Variants in UGT1A3 observed in about 807,000 individuals in gnomAD.
UGT1A3 encodes the protein UDP glucuronosyltransferase family 1 member A3.
In UGT1A3, 31 loss-of-function variants were observed where a neutral mutation model predicts 41.0. That is an observed-to-expected ratio of 0.76 (90% CI 0.57 to 1.02). The LOEUF (loss-of-function observed/expected upper bound fraction) is 1.02. Among genes scored for constraint, UGT1A3 ranks in the 50% least tolerant of loss-of-function variants. The pLI, the probability that UGT1A3 is intolerant of heterozygous loss-of-function variation, is 0.00. For synonymous variants in UGT1A3, 262 were observed against 257.6 expected (o/e 1.02, Z -0.17); for missense variants, 737 against 671.0 (o/e 1.10, Z -1.09).
rs1699908035 is a variant in UGT1A3, at chr2:233,769,628, A to G, written c.1307+1189A>G. 6.2e-7 allele frequency: 1 copy of G among 1,611,940 alleles called. No individual in the cohort carries two copies. The highest frequency in any genetic ancestry group is 8.5e-7 in the Non-Finnish European group (1 of 1,179,468). Reference sequence around the variant, plus strand: ...GACACACCAGCTTGAGCAAGGGACAACAGGGGAGGACTGATGACTGACTTC... The same window carrying G: ...GACACACCAGCTTGAGCAAGGGACAGCAGGGGAGGACTGATGACTGACTTC... On this transcript the variant is annotated intron_variant, in intron 4 of 4. Transcript: ENST00000482026. This position sits in a 1 kb window ranked among gnomAD's most constrained non-coding sequence, Gnocchi z 4.4.
At chr2:233,748,647 C>A (rs1378497880) in intron 1 of UGT1A3, among the ~76,000 whole-genome samples, 4 of 151,722 alleles carry the variant, frequency 2.6e-5, no homozygotes, top group African/African-American at 9.7e-5. Flanking sequence ...GAATTACACA[C>A]TGAGTTCAGT....
intron 1 of UGT1A3, among the ~76,000 whole-genome samples, chr2:233,763,075 G>A (rs563223055): frequency 3.9e-5 from 6 of 152,246 alleles, no homozygotes; most frequent in African/African-American, 1.2e-4. Flanking sequence ...CCTTCTTTGC[G>A]TGAGGATGTT....
chr2:233,743,773 C>T (rs367921172), intron 1 of UGT1A3: 3 of 1,367,248 alleles, frequency 2.2e-6, no homozygotes, highest in Non-Finnish European at 2.0e-6. Flanking sequence ...CCTCGGCCAC[C>T]TGCTTGAATC....
chr2:233,756,239 T>C (rs1242345996), intron 1 of UGT1A3: 1 of 152,226 alleles, frequency 6.6e-6, no homozygotes, highest in East Asian at 1.9e-4. Context: ...ACAACCCTCC[T>C]TCCCCATACC....
At chr2:233,730,362 G>A (rs1205514330) in intron 1 of UGT1A3, among the ~76,000 whole-genome samples, 3 of 152,178 alleles carry the variant, frequency 2.0e-5, no homozygotes, top group Non-Finnish European at 4.4e-5. Context: ...TTTTTTGCTA[G>A]CATGATTTTC....
chr2:233,750,987 C>A (rs140441181), intron 1 of UGT1A3, among the ~76,000 whole-genome samples: 5 of 151,730 alleles, frequency 3.3e-5, no homozygotes, highest in African/African-American at 1.2e-4. Context: ...TGTGAGAAGG[C>A]GGCCACCATC....
intron 1 of UGT1A3, among the ~76,000 whole-genome samples, chr2:233,748,498 T>G (rs1180536491): frequency 2.0e-5 from 3 of 151,812 alleles, no homozygotes; most frequent in Non-Finnish European, 4.4e-5. Flanking sequence ...TGTGATAATT[T>G]TTAGTGGTCC....
chr2:233,768,233 C>A lies in UGT1A3; in HGVS notation c.1101C>A (p.Thr367=), dbSNP rs1699591703. The change falls in exon 4 of 5, where the codon ACC becomes ACA. Residue 367 remains threonine, a synonymous_variant. Coordinates refer to ENST00000482026, the MANE Select transcript of UGT1A3 (RefSeq NM_019093.4). ...PQNDLLGHPM[T]RAFITHAGSH... ...TTTGCATCTCAGGTCACCCGATGAC[C>A]CGTGCCTTTATCACCCATGCTGGTT... 6.2e-7 allele frequency: 1 copy of A among 1,614,170 alleles called. No homozygotes were observed. The highest frequency in any genetic ancestry group is 8.5e-7 in the Non-Finnish European group (1 of 1,180,028).
chr2:233,734,461 C>T (rs1187494686), intron 1 of UGT1A3, among the ~76,000 whole-genome samples: 1 of 145,226 alleles, frequency 6.9e-6, no homozygotes, highest in African/African-American at 2.7e-5. Flanking sequence ...TTTCAAAATC[C>T]ATCTCCTGGA....
At chr2:233,746,140 G>A (rs779278440) in intron 1 of UGT1A3, among the ~76,000 whole-genome samples, 6 of 151,874 alleles carry the variant, frequency 4.0e-5, no homozygotes, top group Non-Finnish European at 8.8e-5. Context: ...TGGCACCTGA[G>A]TGATAGCATG....
chr2:233,744,112 C>T (rs1010440918), intron 1 of UGT1A3: 4 of 367,842 alleles, frequency 1.1e-5, no homozygotes, highest in African/African-American at 6.4e-5. Context: ...TGGCCCTGCT[C>T]TCTGTGAGGC....
intron 1 of UGT1A3, chr2:233,753,549 G>A (rs917906556): frequency 6.6e-6 from 1 of 152,150 alleles, no homozygotes; most frequent in Admixed American, 6.5e-5. Flanking sequence ...TTCCTCAGAG[G>A]TGACCCTAGA....
intron 1 of UGT1A3, chr2:233,743,546 C>G: frequency 7.3e-7 from 1 of 1,367,310 alleles, no homozygotes; most frequent in Non-Finnish European, 9.8e-7. Flanking sequence ...CTCTGACCCC[C>G]CCAAAATATT....
At chr2:233,731,654 T>C (rs1402359717) in intron 1 of UGT1A3, among the ~76,000 whole-genome samples, 1 of 152,254 alleles carries the variant, frequency 6.6e-6, no homozygotes. Context: ...ATGGTGTATA[T>C]GTGCCACATT....
At chr2:233,765,924 G>C (rs1285485148) in intron 1 of UGT1A3, among the ~76,000 whole-genome samples, 1 of 152,060 alleles carries the variant, frequency 6.6e-6, no homozygotes, top group East Asian at 1.9e-4. Context: ...GCATACAGAC[G>C]GGCAGGTTGT....
Position 233,772,514 on chromosome 2 carries a change from GA to G in UGT1A3, c.1566del (p.Arg524GlufsTer22). ...CAYGYRKCLG[K>X]KGRVKKAHKS... ...CTTATGGCTACCGGAAATGCTTGGGGAAAAAAGGGCGAGTTAAGAAAGCCCA... is the reference window on the plus strand; with the variant it reads ...CTTATGGCTACCGGAAATGCTTGGGGAAAAAGGGCGAGTTAAGAAAGCCCA... On this transcript the variant is annotated frameshift_variant, in exon 5 of 5. Coordinates refer to ENST00000482026, the MANE Select transcript of UGT1A3 (RefSeq NM_019093.4). LOFTEE classifies it high-confidence loss of function. 6.2e-7 allele frequency: 1 copy of G among 1,614,126 alleles called. No individual in the cohort carries two copies. Among genetic ancestry groups the G allele is most frequent in the Non-Finnish European group, 8.5e-7 (1 of 1,180,014 alleles).
In UGT1A3 at chr2:233,772,705, C is replaced by G. The variant is rs769331263; in HGVS notation, c.*146C>G. ...CAGCCCCAGAGTGCTTTAAAAAATT[C>G]TCTTAAATAAAAATAATAGACTCGC... is the stretch of plus-strand genomic sequence containing the variant. On this transcript the variant is annotated 3_prime_UTR_variant, in exon 5 of 5. Coordinates refer to ENST00000482026, the MANE Select transcript of UGT1A3 (RefSeq NM_019093.4). 3.4e-6 allele frequency: 5 copies of G among 1,474,690 alleles called. No individual in the cohort carries two copies. Among genetic ancestry groups the G allele is most frequent in the Non-Finnish European group, 4.5e-6 (5 of 1,119,720 alleles). 91.4% of individuals were successfully genotyped at this position (1,474,690 alleles called of 1,614,324 possible).
intron 1 of UGT1A3, among the ~76,000 whole-genome samples, chr2:233,736,069 T>G (rs1320914506): frequency 6.6e-6 from 1 of 152,194 alleles, no homozygotes; most frequent in Non-Finnish European, 1.5e-5. Flanking sequence ...CTTGCTAGGT[T>G]TGGGAAGTTC....
chr2:233,767,929 T>C lies in UGT1A3; in HGVS notation c.1080T>C (p.Asp360=). 3.1e-6 allele frequency: 5 copies of C among 1,614,196 alleles called. No individual in the cohort carries two copies. Among genetic ancestry groups the C allele is most frequent in the Non-Finnish European group, 3.4e-6 (4 of 1,180,048 alleles). ...TILVKWLPQN[D]LLGHPMTRAF... is the part of the protein sequence containing the mutation. ...TTGTTAAGTGGCTACCCCAAAACGATCTGCTTGGTATGTTGGGCGGATTGG... is the reference window on the plus strand; with the variant it reads ...TTGTTAAGTGGCTACCCCAAAACGACCTGCTTGGTATGTTGGGCGGATTGG... Residue 360 remains aspartate, a synonymous_variant, in exon 3 of 5, where the codon GAT becomes GAC. Transcript: ENST00000482026.
Sources: gnomAD v4.1 joint callset for allele counts (sites outside exome capture counted in the v4.1 genomes callset) on GRCh38, gnomAD v4.1.1 for gene constraint, Gnocchi (gnomAD v3.1) non-coding constraint, MANE v1.5 for transcripts, NCBI Gene and HGNC (gene_info 2026-07-23, HGNC 2026-07-21) for gene names.